Variants in TAF3 observed in about 807,000 individuals in gnomAD.
The protein encoded by TAF3 is TATA-box binding protein associated factor 3, also known as transcription initiation factor TFIID subunit 3.
Under a neutral mutation model 80.6 loss-of-function variants are expected in TAF3, and 7 were observed. The ratio of observed to expected loss-of-function variants is 0.09; its 90% CI spans 0.05 to 0.16. The LOEUF (loss-of-function observed/expected upper bound fraction) is 0.16. Among genes scored for constraint, TAF3 ranks in the 10% least tolerant of loss-of-function variants. The probability of loss-of-function intolerance (pLI) is 1.00; values close to 1 mark genes in which losing one functional copy is unlikely to be tolerated. For missense variants in TAF3, 921 were observed against 1,140.2 expected (o/e 0.81, Z 2.77); for synonymous variants, 444 against 446.1 (o/e 1.00, Z 0.06).
At chr10:7,837,427 G>C (rs1199703844) in intron 2 of TAF3, among the ~76,000 whole-genome samples, 3 of 151,824 alleles carry the variant, frequency 2.0e-5, no homozygotes, top group Non-Finnish European at 4.4e-5. Flanking sequence ...CTGATCACTT[G>C]AGGCCAGGAG....
At chr10:7,851,943 CT>C (rs953053506) in intron 2 of TAF3, among the ~76,000 whole-genome samples, 22 of 146,750 alleles carry the variant, frequency 1.5e-4, no homozygotes, top group East Asian at 4.0e-4. Flanking sequence ...CCATGCCTGG[CT>C]TTTTTTTTTT....
intron 2 of TAF3, among the ~76,000 whole-genome samples, chr10:7,920,028 T>G (rs1459819642): frequency 6.6e-6 from 1 of 152,102 alleles, no homozygotes; most frequent in African/African-American, 2.4e-5. Flanking sequence ...GGAGAATCAC[T>G]TGAGCGCAGG....
intron 2 of TAF3, among the ~76,000 whole-genome samples, chr10:7,949,721 C>A (rs1180827619): frequency 6.6e-6 from 1 of 152,000 alleles, no homozygotes; most frequent in Admixed American, 6.6e-5. Flanking sequence ...CAAAACATTG[C>A]CAATTAGACT....
intron 2 of TAF3, among the ~76,000 whole-genome samples, chr10:7,882,753 C>T (rs761076776): frequency 6.6e-6 from 1 of 152,156 alleles, no homozygotes; most frequent in Non-Finnish European, 1.5e-5. Context: ...GAATGTAGTA[C>T]GTAACCACTG....
intron 2 of TAF3, among the ~76,000 whole-genome samples, chr10:7,849,134 A>G (rs1449834383): frequency 1.3e-5 from 2 of 152,184 alleles, no homozygotes; most frequent in African/African-American, 4.8e-5. Context: ...ACATTAACTC[A>G]TTGAATCCTC....
chr10:7,889,323 C>T (rs138546162), intron 2 of TAF3, among the ~76,000 whole-genome samples: 81 of 152,288 alleles, frequency 5.3e-4, no homozygotes, highest in African/African-American at 1.9e-3. Flanking sequence ...AAAGCAACAA[C>T]AACTAATATT....
chr10:7,904,018 T>C (rs191893413), intron 2 of TAF3, among the ~76,000 whole-genome samples: 90 of 152,248 alleles, frequency 5.9e-4, no homozygotes, highest in African/African-American at 2.1e-3. Flanking sequence ...ACGGTGCGTC[T>C]GAGTTGGAGC....
chr10:8,012,901 A>G (rs1439827984), intron 5 of TAF3, among the ~76,000 whole-genome samples: 2 of 152,238 alleles, frequency 1.3e-5, no homozygotes, highest in Admixed American at 6.5e-5. Flanking sequence ...CTGTTATTGT[A>G]AACACTTTGG....
intron 2 of TAF3, among the ~76,000 whole-genome samples, chr10:7,931,797 A>G (rs907816297): frequency 6.6e-6 from 1 of 152,240 alleles, no homozygotes; most frequent in Admixed American, 6.5e-5. Context: ...AGTTAACTAT[A>G]TGTAAAGGAC....
rs1453692769 is a variant in TAF3 at position 7,954,185 on chromosome 10, T to G, written c.410-9735T>G. ...AGTGAGATTCAGAGTGCACTCCATA[T>G]ATGAATGAGTGGATTAGTCCTAGTT... On this transcript the variant is annotated intron_variant, in intron 2 of 6. Coordinates refer to ENST00000344293, the MANE Select transcript of TAF3 (RefSeq NM_031923.4). Among the ~76,000 whole-genome samples the G allele has an allele frequency of 2.4e-4, 25 of 105,414 alleles. 1 individual carries two copies. Among genetic ancestry groups the G allele is most frequent in the Non-Finnish European group, 2.7e-4 (14 of 51,186 alleles). 69.2% of individuals were successfully genotyped at this position (105,414 alleles called of 152,430 possible).
At chr10:8,008,178 C>T (rs1202967411) in intron 4 of TAF3, among the ~76,000 whole-genome samples, 1 of 145,340 alleles carries the variant, frequency 6.9e-6, no homozygotes, top group Non-Finnish European at 1.5e-5. Flanking sequence ...CTCACTGTAA[C>T]CTCTGCCTCC....
At chr10:7,971,264 G>A (rs2131416620) in intron 3 of TAF3, among the ~76,000 whole-genome samples, 1 of 152,252 alleles carries the variant, frequency 6.6e-6, no homozygotes, top group Admixed American at 6.5e-5. Flanking sequence ...TGGAAATAAT[G>A]TAAAGACCTT....
At chr10:7,830,378 C>T (rs1836786256) in intron 2 of TAF3, among the ~76,000 whole-genome samples, 1 of 136,404 alleles carries the variant, frequency 7.3e-6, no homozygotes. Context: ...GTAGGAATTA[C>T]TCCTTAGCTT....
At chr10:8,004,060 A>AT (rs1255891938) in intron 4 of TAF3, among the ~76,000 whole-genome samples, 10 of 151,624 alleles carry the variant, frequency 6.6e-5, no homozygotes, top group East Asian at 1.9e-4. Context: ...TATTTTATTT[A>AT]TTTTTTTTGA....
At chr10:7,888,731 C>G (rs1471384107) in intron 2 of TAF3, among the ~76,000 whole-genome samples, 1 of 152,226 alleles carries the variant, frequency 6.6e-6, no homozygotes, top group Non-Finnish European at 1.5e-5. Flanking sequence ...AGACAGTTGA[C>G]CAAGAAGACA....
chr10:7,962,588 C>T (rs1831519590), intron 2 of TAF3, among the ~76,000 whole-genome samples: 1 of 152,234 alleles, frequency 6.6e-6, no homozygotes, highest in South Asian at 2.1e-4. Context: ...TTTTCTGTTT[C>T]TCTTACACTC....
chr10:7,909,057 C>T (rs1837631826), intron 2 of TAF3, among the ~76,000 whole-genome samples: 1 of 152,236 alleles, frequency 6.6e-6, no homozygotes, highest in African/African-American at 2.4e-5. Context: ...ATGTCCCTTA[C>T]CAGCCGTCGC....
intron 2 of TAF3, among the ~76,000 whole-genome samples, chr10:7,929,625 A>C (rs1348079828): frequency 6.6e-6 from 1 of 152,100 alleles, no homozygotes; most frequent in East Asian, 1.9e-4. Context: ...CAACATCCCA[A>C]AGTGCTGGGA....
chr10:7,914,931 CCTTTTT>C (rs1226946340), intron 2 of TAF3, among the ~76,000 whole-genome samples: 3 of 119,122 alleles, frequency 2.5e-5, no homozygotes, highest in East Asian at 2.8e-4. Context: ...GTGCTCCCAG[CCTTTTT>C]TTTTTTTTTT....
Sources: gnomAD v4.1 joint callset for allele counts (sites outside exome capture counted in the v4.1 genomes callset) on GRCh38, gnomAD v4.1.1 for gene constraint, MANE v1.5 for transcripts, NCBI Gene and HGNC (gene_info 2026-07-23, HGNC 2026-07-21) for gene names.